Variants in INPP4B observed in about 807,000 individuals in gnomAD.
INPP4B encodes the protein inositol polyphosphate 4-phosphatase type II.
INPP4B carries 55 observed loss-of-function variants against 122.5 expected under a neutral mutation model. The observed-to-expected ratio is 0.45, with a 90% confidence interval of 0.36 to 0.56. INPP4B has a LOEUF of 0.56. INPP4B is among the 20% of genes least tolerant of loss of function. INPP4B has a pLI of 0.00. For synonymous variants in INPP4B, 403 were observed against 388.7 expected (o/e 1.04, Z -0.43); for missense variants, 1,000 against 1,097.7 (o/e 0.91, Z 1.26).
intron 7 of INPP4B, among the ~76,000 whole-genome samples, chr4:142,338,517 C>T (rs932696682): frequency 2.0e-5 from 3 of 152,156 alleles, no homozygotes; most frequent in African/African-American, 4.8e-5. Context: ...GGATTACAGG[C>T]GTGAGCCACC....
At chr4:142,480,289 A>T (rs182828128) in intron 2 of INPP4B, among the ~76,000 whole-genome samples, 1 of 152,314 alleles carries the variant, frequency 6.6e-6, no homozygotes, top group East Asian at 1.9e-4. Flanking sequence ...TATGTTATCA[A>T]TTCATAGATC....
intron 2 of INPP4B, among the ~76,000 whole-genome samples, chr4:142,683,568 G>T (rs558586660): frequency 6.6e-6 from 1 of 151,494 alleles, no homozygotes; most frequent in South Asian, 2.1e-4. Context: ...TAGTCATTGA[G>T]TTGTCTCCCA....
rs1308836067 is a variant in INPP4B, at chr4:142,363,880, AGAAAGGGT to A, written c.372+39050_372+39057del. The stretch of plus-strand genomic sequence containing the variant: ...TCCTCAAGATGGATGATCTGAGTGG[AGAAAGGGT>A]GAAGTCACAGTGTGCTGCTGAGCTC... On this transcript the variant is annotated intron_variant, in intron 7 of 25. Coordinates refer to ENST00000262992, the MANE Select transcript of INPP4B (RefSeq NM_001101669.3). Among the ~76,000 whole-genome samples the A allele has an allele frequency of 1.1e-4, 17 of 152,074 alleles. 1 individual carries two copies. Among genetic ancestry groups the A allele is most frequent in the Non-Finnish European group, 1.5e-5 (1 of 67,994 alleles).
intron 2 of INPP4B, among the ~76,000 whole-genome samples, chr4:142,493,968 C>T (rs957367659): frequency 1.2e-4 from 18 of 152,248 alleles, no homozygotes; most frequent in Admixed American, 9.8e-4. Flanking sequence ...GAGAGATAAT[C>T]GAATCATAGG....
chr4:142,196,984 G>A (rs1005322504), intron 14 of INPP4B, among the ~76,000 whole-genome samples: 1 of 151,686 alleles, frequency 6.6e-6, no homozygotes, highest in African/African-American at 2.4e-5. Context: ...AAATTAGCCG[G>A]GGGTGGTGGC....
At chr4:142,174,310 G>T (rs1826988776) in intron 15 of INPP4B, among the ~76,000 whole-genome samples, 1 of 152,106 alleles carries the variant, frequency 6.6e-6, no homozygotes, top group African/African-American at 2.4e-5. Flanking sequence ...TATGAGGTGT[G>T]TAACGTTAGT....
At chr4:142,545,486 G>A (rs946682595) in intron 2 of INPP4B, among the ~76,000 whole-genome samples, 4 of 151,954 alleles carry the variant, frequency 2.6e-5, no homozygotes, top group African/African-American at 7.2e-5. Context: ...CAATATCTAT[G>A]ATAACCAAAG....
At chr4:142,617,339 C>T (rs6816236) in intron 2 of INPP4B, among the ~76,000 whole-genome samples, 188 of 152,168 alleles carry the variant, frequency 1.2e-3, no homozygotes, top group African/African-American at 4.4e-3. Flanking sequence ...GACATACATT[C>T]GCTCCAACTC....
chr4:142,689,758 TTAGAGA>T (rs1759895394), intron 2 of INPP4B, among the ~76,000 whole-genome samples: 1 of 152,180 alleles, frequency 6.6e-6, no homozygotes, highest in Non-Finnish European at 1.5e-5. Flanking sequence ...CTCACAGTTT[TTAGAGA>T]TAAACATTTG....
At chr4:142,540,166 A>G (rs1031145114) in intron 2 of INPP4B, among the ~76,000 whole-genome samples, 5 of 152,222 alleles carry the variant, frequency 3.3e-5, no homozygotes, top group African/African-American at 9.6e-5. Flanking sequence ...TCAGAAAAAA[A>G]CACTACTTTA....
chr4:142,190,229 G>T (rs1413856050), intron 15 of INPP4B, among the ~76,000 whole-genome samples: 2 of 151,504 alleles, frequency 1.3e-5, no homozygotes, highest in African/African-American at 4.9e-5. Flanking sequence ...TTGGTGGGGG[G>T]CAATATCAAA....
chr4:142,791,369 C>G (rs1246411780), intron 1 of INPP4B, among the ~76,000 whole-genome samples: 5 of 152,034 alleles, frequency 3.3e-5, no homozygotes, highest in African/African-American at 1.2e-4. Context: ...ACTAAAGGGT[C>G]AGAGATTATA....
At chr4:142,117,163 ATAAT>A (rs1216444347) in intron 21 of INPP4B, among the ~76,000 whole-genome samples, 3 of 152,142 alleles carry the variant, frequency 2.0e-5, no homozygotes, top group African/African-American at 7.2e-5. Flanking sequence ...AATTGAGGCA[ATAAT>A]TAATAGTCTA....
At chr4:142,049,552 T>C (rs911885855) in intron 25 of INPP4B, among the ~76,000 whole-genome samples, 2 of 152,008 alleles carry the variant, frequency 1.3e-5, no homozygotes, top group Admixed American at 1.3e-4. Context: ...AAGCAAGTAG[T>C]TATCTATGAC....
chr4:142,578,744 G>A (rs1026143034), intron 2 of INPP4B, among the ~76,000 whole-genome samples: 1 of 151,870 alleles, frequency 6.6e-6, no homozygotes, highest in Non-Finnish European at 1.5e-5. Context: ...TGAATGGGGG[G>A]ACATATTTCA....
chr4:142,038,667 C>T (rs912420311), intron 25 of INPP4B, among the ~76,000 whole-genome samples: 5 of 152,008 alleles, frequency 3.3e-5, no homozygotes, highest in Non-Finnish European at 5.9e-5. Flanking sequence ...AGACTGAAGA[C>T]ATTGAGAATA....
At chr4:142,700,405 C>CT (rs1761579928) in intron 2 of INPP4B, among the ~76,000 whole-genome samples, 1 of 152,024 alleles carries the variant, frequency 6.6e-6, no homozygotes, top group Admixed American at 6.6e-5. Flanking sequence ...TTTTATAATT[C>CT]TTTTTTGTGC....
chr4:142,376,270 C>T (rs1297559881), intron 7 of INPP4B, among the ~76,000 whole-genome samples: 1 of 151,914 alleles, frequency 6.6e-6, no homozygotes, highest in Non-Finnish European at 1.5e-5. Flanking sequence ...CTATTTTCAT[C>T]TTGATATTAT....
At chr4:142,058,204 T>C (rs796360802) in intron 25 of INPP4B, among the ~76,000 whole-genome samples, 22 of 152,278 alleles carry the variant, frequency 1.4e-4, no homozygotes, top group African/African-American at 5.1e-4. Flanking sequence ...AAATACATTA[T>C]ATCTTAGTAA....
Sources: gnomAD v4.1 joint callset for allele counts (sites outside exome capture counted in the v4.1 genomes callset) on GRCh38, gnomAD v4.1.1 for gene constraint, MANE v1.5 for transcripts, NCBI Gene and HGNC (gene_info 2026-07-23, HGNC 2026-07-21) for gene names.